The following ASH1L variants were observed in gnomAD, a reference collection of about 807,000 sequenced individuals.
ASH1L encodes histone-lysine N-methyltransferase ASH1L.
A neutral mutation model predicts 269.0 loss-of-function variants in ASH1L; 23 were observed. The observed-to-expected ratio is 0.09, with a 90% CI of 0.06 to 0.12. ASH1L has a LOEUF of 0.12. ASH1L is among the 10% of genes least tolerant of loss of function. The probability of loss-of-function intolerance (pLI) is 1.00; values close to 1 mark genes in which losing one functional copy is unlikely to be tolerated. For missense variants in ASH1L, 2,912 were observed against 3,567.8 expected (o/e 0.82, Z 4.68); for synonymous variants, 1,187 against 1,253.5 (o/e 0.95, Z 1.12).
intron 17 of ASH1L, among the ~76,000 whole-genome samples, chr1:155,350,429 T>C (rs764111272): frequency 2.0e-4 from 31 of 152,170 alleles, no homozygotes; most frequent in Non-Finnish European, 3.7e-4. Flanking sequence ...ATGAAAGATA[T>C]AGTTGCATCT....
At chr1:155,530,421 A>G (rs1669589781) in intron 1 of ASH1L, among the ~76,000 whole-genome samples, 1 of 152,132 alleles carries the variant, frequency 6.6e-6, no homozygotes, top group Non-Finnish European at 1.5e-5. Flanking sequence ...ATATTTTACG[A>G]GCTTCAAATT....
chr1:155,398,814 G>A (rs1481534514), intron 6 of ASH1L, among the ~76,000 whole-genome samples: 1 of 152,100 alleles, frequency 6.6e-6, no homozygotes, highest in Admixed American at 6.6e-5. Context: ...CCAGACTCAA[G>A]TGAACCTCTC....
chr1:155,486,869 GA>G (rs1002012335), intron 2 of ASH1L, among the ~76,000 whole-genome samples: 2 of 146,268 alleles, frequency 1.4e-5, no homozygotes, highest in Non-Finnish European at 3.0e-5. Context: ...AAAAAAAAAA[GA>G]AAAAAAAAGC....
At chr1:155,424,373 G>A (rs937031312) in intron 5 of ASH1L, among the ~76,000 whole-genome samples, 1 of 151,966 alleles carries the variant, frequency 6.6e-6, no homozygotes, top group Non-Finnish European at 1.5e-5. Flanking sequence ...AACAAGAGGT[G>A]GCTATGAAAT....
chr1:155,529,068 A>G (rs1418809777), intron 1 of ASH1L, among the ~76,000 whole-genome samples: 1 of 152,030 alleles, frequency 6.6e-6, no homozygotes, highest in Non-Finnish European at 1.5e-5. Context: ...TTCATGATGT[A>G]TATGTACTAC....
intron 5 of ASH1L, chr1:155,434,008 G>A (rs1363140177): frequency 6.3e-7 from 1 of 1,589,502 alleles, no homozygotes; most frequent in Non-Finnish European, 8.6e-7. Flanking sequence ...TGGTCCGAGT[G>A]TGGTTCTGTA....
At position 155,479,856 on chromosome 1, in the gene ASH1L, G is replaced by A; in HGVS notation, c.3014C>T (p.Ser1005Phe). The change falls in exon 3 of 28, where the codon TCT becomes TTT. Residue 1005 changes from serine to phenylalanine, a missense_variant. Ser to Phe is a radical substitution (Grantham distance 155, BLOSUM62 -2). Coordinates refer to ENST00000392403, the MANE Select transcript of ASH1L (RefSeq NM_018489.3). ...TTTCCCTTTATTACTTGATTCTACAGAACTTGAAAGAATCTGATTCAACAG... is the reference window on the plus strand; with the variant it reads ...TTTCCCTTTATTACTTGATTCTACAAAACTTGAAAGAATCTGATTCAACAG... ...KKLLNQILSS[S>F]VESSNKGKVQ... 1 of 1,613,452 alleles carries A rather than the reference G, an allele frequency of 6.2e-7. No individual in the cohort carries two copies. Among genetic ancestry groups the A allele is most frequent in the East Asian group, 2.2e-5 (1 of 44,890 alleles).
intron 5 of ASH1L, chr1:155,434,289 A>C: frequency 6.3e-7 from 1 of 1,587,134 alleles, no homozygotes; most frequent in South Asian, 1.1e-5. Context: ...GGAATGGGGG[A>C]CAGGGGGAGG....
At chr1:155,498,414 T>G (rs2148787107) in intron 2 of ASH1L, among the ~76,000 whole-genome samples, 1 of 152,024 alleles carries the variant, frequency 6.6e-6, no homozygotes, top group Non-Finnish European at 1.5e-5. Context: ...GTTTTTTTGG[T>G]TTTTGTTTGT....
At chr1:155,555,496 CA>C (rs57151613) in intron 1 of ASH1L, among the ~76,000 whole-genome samples, 5,732 of 55,124 alleles carry the variant, frequency 0.1, 415 homozygotes, top group East Asian at 0.54. Flanking sequence ...GACTCTGTCT[CA>C]AAAAAAAAAA....
chr1:155,478,592 A>G lies in ASH1L; in HGVS notation c.4278T>C (p.Tyr1426=). ...TGAGAAGTAAATGACCAGCATGCATATAGGAAGGAGGTGGAAGTGGCGTGG... is the reference window on the plus strand; with the variant it reads ...TGAGAAGTAAATGACCAGCATGCATGTAGGAAGGAGGTGGAAGTGGCGTGG... ...SFTTPLPPPS[Y]MHAGHLLLNP... Residue 1426 remains tyrosine, a synonymous_variant, in exon 3 of 28, where the codon TAT becomes TAC. Coordinates refer to ENST00000392403, the MANE Select transcript of ASH1L (RefSeq NM_018489.3). The surrounding 1 kb of genome is among the most constrained non-coding windows in gnomAD (Gnocchi z 4.6). The G allele has an allele frequency of 6.2e-7, 1 of 1,614,060 alleles. No individual in the cohort carries two copies. Among genetic ancestry groups the G allele is most frequent in the Non-Finnish European group, 8.5e-7 (1 of 1,180,016 alleles).
In ASH1L at chr1:155,371,543, G is replaced by A. The variant is rs374010172; in HGVS notation, c.6333-560C>T. Among the ~76,000 whole-genome samples, 7 of 152,076 alleles carry A rather than the reference G, an allele frequency of 4.6e-5. No homozygotes were observed. The South Asian group carries it at 8.3e-4, about 18-fold the overall frequency. On this transcript the variant is annotated intron_variant, in intron 10 of 27. Coordinates refer to ENST00000392403, the MANE Select transcript of ASH1L (RefSeq NM_018489.3). Reference sequence around the variant, plus strand: ...AGCCTGGGCGACAGAGTGAGACTCCGTCTCAAAATAAATAAATAAAATAAA... The same window carrying A: ...AGCCTGGGCGACAGAGTGAGACTCCATCTCAAAATAAATAAATAAAATAAA...
intron 1 of ASH1L, among the ~76,000 whole-genome samples, chr1:155,548,278 T>A (rs2148904127): frequency 6.6e-6 from 1 of 152,154 alleles, no homozygotes; most frequent in East Asian, 1.9e-4. Flanking sequence ...TCCCAGCACT[T>A]TGGCAGGCCA....
chr1:155,470,620 C>T (rs567373090), intron 3 of ASH1L, among the ~76,000 whole-genome samples: 1 of 147,726 alleles, frequency 6.8e-6, no homozygotes, highest in East Asian at 2.0e-4. Context: ...GGTGCAATCT[C>T]GGCTCACTAC....
At chr1:155,407,149 G>C (rs753108302) in intron 6 of ASH1L, among the ~76,000 whole-genome samples, 4 of 152,120 alleles carry the variant, frequency 2.6e-5, no homozygotes, top group South Asian at 2.1e-4. Context: ...CTTGAACCCG[G>C]GAGGCAGAGG....
intron 7 of ASH1L, among the ~76,000 whole-genome samples, chr1:155,389,730 T>C (rs1192265579): frequency 2.6e-5 from 4 of 152,184 alleles, no homozygotes; most frequent in African/African-American, 7.2e-5. Context: ...TTCTTTTCAA[T>C]AGATATGTTT....
At position 155,480,149 on chromosome 1, in the gene ASH1L, T is replaced by G. The variant is rs1665852313; in HGVS notation, c.2721A>C (p.Val907=). 6.2e-7 allele frequency: 1 copy of G among 1,614,046 alleles called. No homozygotes were observed. The highest frequency in any genetic ancestry group is 8.5e-7 in the Non-Finnish European group (1 of 1,180,022). The change falls in exon 3 of 28, where the codon GTA becomes GTC. Residue 907 remains valine (V), a synonymous_variant. Transcript: ENST00000392403. ...TGGCAACAAATGGAGCCACTGACAG[T>G]ACAGGTGGCTTCATCTTGACTGGTG... The part of the protein sequence containing the change: ...MRSPVKMKPP[V]LSVAPFVATE...
chr1:155,367,235 G>A (rs973808619), intron 12 of ASH1L, among the ~76,000 whole-genome samples: 3 of 152,102 alleles, frequency 2.0e-5, no homozygotes, highest in Non-Finnish European at 4.4e-5. Flanking sequence ...CTCATGATCC[G>A]CTCGCCTTGG....
At chr1:155,461,928 A>T (rs1044617610) in intron 3 of ASH1L, among the ~76,000 whole-genome samples, 1 of 150,612 alleles carries the variant, frequency 6.6e-6, no homozygotes, top group African/African-American at 2.4e-5. Flanking sequence ...CCTCCTGAGT[A>T]GCTGGGATTA....
Sources: gnomAD v4.1 joint callset for allele counts (sites outside exome capture counted in the v4.1 genomes callset) on GRCh38, gnomAD v4.1.1 for gene constraint, Gnocchi (gnomAD v3.1) non-coding constraint, MANE v1.5 for transcripts, NCBI Gene and HGNC (gene_info 2026-07-23, HGNC 2026-07-21) for gene names.